Variants in ACSL3 observed in about 807,000 individuals in gnomAD.
ACSL3 encodes acyl-CoA synthetase long chain family member 3, also known as fatty acid CoA ligase Acsl3.
ACSL3 carries 34 observed loss-of-function variants against 84.7 expected under a neutral mutation model. The ratio of observed to expected loss-of-function variants is 0.40; its 90% confidence interval spans 0.31 to 0.53. The LOEUF is 0.53. Among genes scored for constraint, ACSL3 ranks in the 20% least tolerant of loss-of-function variants. The probability of loss-of-function intolerance (pLI) is 0.48; values close to 1 mark genes in which losing one functional copy is unlikely to be tolerated. For synonymous variants in ACSL3, 315 were observed against 299.4 expected, an observed-to-expected ratio of 1.05 and a Z score of -0.54; for missense variants, 680 against 873.1, an observed-to-expected ratio of 0.78 and a Z score of 2.79.
chr2:222,931,381 T>C (rs369425145), intron 14 of ACSL3, among the ~76,000 whole-genome samples: 3 of 149,392 alleles, frequency 2.0e-5, no homozygotes, highest in Admixed American at 6.7e-5. Context: ...GACACTGCAC[T>C]CCAACCTGGG....
At position 222,916,371 on chromosome 2, in the gene ACSL3, C is replaced by G. The variant is rs1559295310; in HGVS notation, c.431C>G (p.Ala144Gly). The change falls in exon 5 of 17, where the codon GCC becomes GGC. Residue 144 changes from alanine to glycine, a missense_variant. Transcript: ENST00000357430. ...TCCTATGAAGATGTCTTTGTTCGAG[C>G]CTTTAATTTTGGAAATGGATTACAG... Reference protein sequence around the residue: ...WLSYEDVFVRAFNFGNGLQML... With the variant: ...WLSYEDVFVRGFNFGNGLQML... 1 of 1,613,754 alleles carries G rather than the reference C, an allele frequency of 6.2e-7. No homozygotes were observed. Among genetic ancestry groups the G allele is most frequent in the Non-Finnish European group, 8.5e-7 (1 of 1,179,802 alleles).
intron 15 of ACSL3, chr2:222,933,794 G>C (rs1697098548): frequency 6.6e-6 from 1 of 152,246 alleles, no homozygotes; most frequent in African/African-American, 2.4e-5. Context: ...ACCTGTCTAC[G>C]ACAGTTGACA....
rs892565615 is a variant in ACSL3 at position 222,921,094 on chromosome 2, G to T, written c.806-186G>T. 5.0e-5 allele frequency: 36 copies of T among 713,550 alleles called. No individual in the cohort carries two copies. In the East Asian group the frequency reaches 1.0e-3, roughly 20 times the overall value. The allele number at this position is 713,550 out of a possible 1,614,324, so 44.2% of individuals were successfully genotyped here. A position where few individuals can be genotyped will look rare whatever the true frequency, so the allele number is the denominator to read the frequency against. On this transcript the variant is annotated intron_variant, in intron 7 of 16. Transcript: ENST00000357430. ...GTTAATCTGTTTGTATATCTCAATA[G>T]AATATATCTCCCATACGTGCAGGGA...
chr2:222,914,995 A>T (rs904413504), intron 4 of ACSL3, among the ~76,000 whole-genome samples: 1 of 152,258 alleles, frequency 6.6e-6, no homozygotes, highest in Non-Finnish European at 1.5e-5. Flanking sequence ...TTACATATTT[A>T]GATTATATAT....
chr2:222,923,023 T>A lies in ACSL3; in HGVS notation c.1081-55T>A, dbSNP rs535801552. ...TAGGCTTTTTGATCTAAGAATACCA[T>A]TGAATTTTAAAAATAAGGATCACTT... On this transcript the variant is annotated intron_variant, in intron 9 of 16. Coordinates refer to ENST00000357430, the MANE Select transcript of ACSL3 (RefSeq NM_004457.5). 1.3e-5 allele frequency: 19 copies of A among 1,462,360 alleles called. No homozygotes were observed. In the South Asian group the frequency reaches 2.2e-4, roughly 17 times the overall value. 90.6% of individuals were successfully genotyped at this position (1,462,360 alleles called of 1,614,324 possible).
At chr2:222,922,610 G>A (rs544850987) in intron 8 of ACSL3, 98 bp from the exon 9 acceptor site, 2 of 1,468,236 alleles carry the variant, frequency 1.4e-6, no homozygotes, top group Non-Finnish European at 9.3e-7. Flanking sequence ...TGATGCCCTG[G>A]GGCCCTTCCA....
rs1158090715 is a variant in ACSL3, at chr2:222,927,207, C to G, written c.1465+18C>G. 1 of 1,607,060 alleles carries G rather than the reference C, an allele frequency of 6.2e-7. No individual in the cohort carries two copies. The highest frequency in any genetic ancestry group is 1.3e-5 in the African/African-American group (1 of 74,806). On this transcript the variant is annotated intron_variant, in intron 12 of 16. Transcript: ENST00000357430. ...TTCCGAAGGTAGTGTTCTCCATGGTCAGAGGCTGGAGTGTGATGCCAGACG... is the reference window on the plus strand; with the variant it reads ...TTCCGAAGGTAGTGTTCTCCATGGTGAGAGGCTGGAGTGTGATGCCAGACG...
intron 2 of ACSL3, among the ~76,000 whole-genome samples, chr2:222,889,733 C>A (rs1695800307): frequency 1.3e-5 from 2 of 152,128 alleles, no homozygotes; most frequent in Admixed American, 1.3e-4. Context: ...AAGAGCTGGG[C>A]CAGATGTTTC....
intron 1 of ACSL3, among the ~76,000 whole-genome samples, chr2:222,873,241 A>G (rs1368071795): frequency 6.6e-6 from 1 of 152,190 alleles, no homozygotes; most frequent in Admixed American, 6.5e-5. Context: ...ATATATAACA[A>G]TATACCTGAC....
At chr2:222,918,824 T>TA (rs1696653883) in intron 6 of ACSL3, among the ~76,000 whole-genome samples, 1 of 151,944 alleles carries the variant, frequency 6.6e-6, no homozygotes, top group South Asian at 2.1e-4. Context: ...CCCTTCTTGA[T>TA]CAGGGTTTTA....
chr2:222,866,353 G>A (rs920201955), intron 1 of ACSL3, among the ~76,000 whole-genome samples: 2 of 152,134 alleles, frequency 1.3e-5, no homozygotes, highest in South Asian at 2.1e-4. Flanking sequence ...CACCATGTTA[G>A]TCAGGATGGT....
chr2:222,915,641 C>T (rs1696561009), intron 4 of ACSL3, among the ~76,000 whole-genome samples: 1 of 152,148 alleles, frequency 6.6e-6, no homozygotes, highest in African/African-American at 2.4e-5. Context: ...TTTGGTATTA[C>T]CAGCACTTAC....
intron 4 of ACSL3, among the ~76,000 whole-genome samples, chr2:222,910,237 G>A (rs889270932): frequency 3.3e-5 from 5 of 152,184 alleles, no homozygotes; most frequent in African/African-American, 4.8e-5. Flanking sequence ...TGAGAATGCC[G>A]TTTATGAACT....
chr2:222,933,046 A>G, intron 14 of ACSL3, 120 bp from the exon 15 acceptor site: 1 of 601,162 alleles, frequency 1.7e-6, no homozygotes, highest in Non-Finnish European at 2.8e-6. Context: ...TTAATTTTGC[A>G]AAGTTTTAAA....
intron 1 of ACSL3, among the ~76,000 whole-genome samples, chr2:222,864,641 G>C (rs1441112460): frequency 6.6e-6 from 1 of 152,168 alleles, no homozygotes; most frequent in African/African-American, 2.4e-5. Flanking sequence ...GGAGCAGTGG[G>C]AGGTGAGGAA....
At chr2:222,866,983 C>T (rs1574512025) in intron 1 of ACSL3, among the ~76,000 whole-genome samples, 1 of 151,718 alleles carries the variant, frequency 6.6e-6, no homozygotes, top group Non-Finnish European at 1.5e-5. Flanking sequence ...TACAAGTACC[C>T]ACCACCACAC....
chr2:222,921,522 T>A, intron 8 of ACSL3, 92 bp downstream of exon 8: 1 of 1,303,456 alleles, frequency 7.7e-7, no homozygotes, highest in African/African-American at 1.4e-5. Flanking sequence ...ATGGCTAAAT[T>A]AGTCCCTCAG....
At chr2:222,883,299 G>C (rs1695637801) in intron 1 of ACSL3, among the ~76,000 whole-genome samples, 1 of 150,340 alleles carries the variant, frequency 6.7e-6, no homozygotes, top group Non-Finnish European at 1.5e-5. Context: ...TACTGTGTCA[G>C]TCAGCCTCTC....
intron 1 of ACSL3, among the ~76,000 whole-genome samples, chr2:222,879,660 T>C (rs1285630399): frequency 6.6e-6 from 1 of 152,242 alleles, no homozygotes; most frequent in Non-Finnish European, 1.5e-5. Flanking sequence ...AGAGTATGAT[T>C]GGACCAGCAC....
Sources: gnomAD v4.1 joint callset for allele counts (sites outside exome capture counted in the v4.1 genomes callset) on GRCh38, gnomAD v4.1.1 for gene constraint, MANE v1.5 for transcripts, NCBI Gene and HGNC (gene_info 2026-07-23, HGNC 2026-07-21) for gene names.